CATIP: variants seen among roughly 807,000 people sequenced by gnomAD.
CATIP encodes ciliogenesis-associated TTC17-interacting protein.
In CATIP, 40 loss-of-function variants were observed where a neutral mutation model predicts 42.5. The observed-to-expected ratio is 0.94, with a 90% confidence interval of 0.73 to 1.22. The LOEUF is 1.22. Among genes scored for constraint, CATIP ranks in the 50% most tolerant of loss-of-function variants. The pLI, the probability that CATIP is intolerant of heterozygous loss-of-function variation, is 0.00. For missense variants in CATIP, 489 were observed against 496.0 expected, an observed-to-expected ratio of 0.99 and a Z score of 0.13; for synonymous variants, 222 against 200.2, an observed-to-expected ratio of 1.11 and a Z score of -0.92.
At chr2:218,366,694 G>A in intron 7 of CATIP, 1 of 348,642 alleles carries the variant, frequency 2.9e-6, no homozygotes, top group Non-Finnish European at 5.5e-6. Flanking sequence ...TTTGCTGGAA[G>A]GCAGGAAGTC....
chr2:218,357,399 C>G, intron 2 of CATIP, 135 bp from the exon 3 acceptor site: 1 of 789,718 alleles, frequency 1.3e-6, no homozygotes, highest in South Asian at 1.7e-5. Flanking sequence ...CTTCACCTGT[C>G]CGTGCCAGTG....
At position 218,364,566 on chromosome 2, in the gene CATIP, G is replaced by A. The variant is rs117624615; in HGVS notation, c.631-62G>A. On this transcript the variant is annotated intron_variant, in intron 6 of 9. Transcript: ENST00000289388. ...GATGGAGAAAAGGCTAAGGTAAGAT[G>A]ATGGGGAGCCCTTGGCGGGCATCCA... is the stretch of plus-strand genomic sequence containing the variant. The A allele has an allele frequency of 6.9e-6, 11 of 1,595,080 alleles. No individual in the cohort carries two copies. In the East Asian group the frequency reaches 2.0e-4, roughly 29 times the overall value.
intron 7 of CATIP, 95 bp downstream of exon 7, chr2:218,364,847 G>C: frequency 1.4e-6 from 2 of 1,390,064 alleles, no homozygotes; most frequent in Non-Finnish European, 2.0e-6. Flanking sequence ...GGAAGAACTG[G>C]CATTGAGATA....
chr2:218,364,452 G>A (rs1025949838), intron 6 of CATIP, among the ~76,000 whole-genome samples, 176 bp from the exon 7 acceptor site: 1 of 152,208 alleles, frequency 6.6e-6, no homozygotes, highest in South Asian at 2.1e-4. Context: ...TCAGGGCAAG[G>A]GCAACCTGGA....
intron 7 of CATIP, chr2:218,366,774 C>T (rs1486094710): frequency 6.4e-6 from 3 of 466,670 alleles, no homozygotes; most frequent in Admixed American, 3.4e-5. Flanking sequence ...CAAGTGCCTT[C>T]TCAATGTGTC....
intron 5 of CATIP, 97 bp from the exon 6 acceptor site, chr2:218,362,638 A>C: frequency 6.9e-6 from 9 of 1,300,418 alleles, no homozygotes; most frequent in Non-Finnish European, 9.6e-6. Context: ...TGTCTCAAAA[A>C]AAAACAAAAC....
chr2:218,362,762 C>A lies in CATIP; in HGVS notation c.490C>A (p.Pro164Thr), dbSNP rs1028839934. The part of the protein sequence containing the change: ...EEVKTGVTSF[P>T]WSSIKGFISE... ...AGTGAAGACTGGAGTGACTTCTTTCCCCTGGAGCTCAATCAAGGGCTTCAT... is the reference window on the plus strand; with the variant it reads ...AGTGAAGACTGGAGTGACTTCTTTCACCTGGAGCTCAATCAAGGGCTTCAT... Residue 164 changes from proline to threonine, a missense_variant, in exon 6 of 10, where the codon CCC becomes ACC. Pro to Thr is a conservative substitution (Grantham distance 38, BLOSUM62 -1). Coordinates refer to ENST00000289388, the MANE Select transcript of CATIP (RefSeq NM_198559.2). 9.9e-6 allele frequency: 16 copies of A among 1,614,012 alleles called. No individual in the cohort carries two copies. The Admixed American group carries it at 2.2e-4, about 22-fold the overall frequency.
Position 218,367,873 on chromosome 2 carries a change from GT to G in CATIP, c.1074del (p.Pro359ArgfsTer65). The G allele has an allele frequency of 6.2e-7, 1 of 1,612,950 alleles. No individual in the cohort carries two copies. The highest frequency in any genetic ancestry group is 8.5e-7 in the Non-Finnish European group (1 of 1,179,868). On this transcript the variant is annotated frameshift_variant, in exon 10 of 10. Transcript: ENST00000289388. LOFTEE classifies it low-confidence loss of function (END_TRUNC). ...TTCTTCGGCCCCTTCGACCCGTGGC[GT>G]CCGTCGTCACCGGCCTTGGGCTCCT... ...AEFFGPFDPW[R>X]PSSPALGSSH...
At chr2:218,363,504 A>C (rs550730014) in intron 6 of CATIP, among the ~76,000 whole-genome samples, 47 of 150,288 alleles carry the variant, frequency 3.1e-4, no homozygotes, top group African/African-American at 9.1e-4. Context: ...AAAACAAAAA[A>C]AAAAAAACGT....
chr2:218,364,502 T>G, intron 6 of CATIP, 126 bp from the exon 7 acceptor site: 1 of 1,375,810 alleles, frequency 7.3e-7, no homozygotes, highest in South Asian at 1.4e-5. Flanking sequence ...AGCTTGGAGG[T>G]TTGGAGATGC....
chr2:218,366,623 G>C (rs1478834773), intron 7 of CATIP: 1 of 297,672 alleles, frequency 3.4e-6, no homozygotes, highest in East Asian at 1.1e-4. Context: ...CTGTCATGTA[G>C]GAGTCTGCTT....
intron 7 of CATIP, 56 bp from the exon 8 acceptor site, chr2:218,366,968 T>A: frequency 7.5e-7 from 1 of 1,324,844 alleles, no homozygotes; most frequent in African/African-American, 1.4e-5. Flanking sequence ...GACAATTCAG[T>A]CCATAGCAGG....
chr2:218,367,499 C>G lies in CATIP; in HGVS notation c.902C>G (p.Ser301Trp). 6.2e-7 allele frequency: 1 copy of G among 1,614,150 alleles called. No homozygotes were observed. Among genetic ancestry groups the G allele is most frequent in the Non-Finnish European group, 8.5e-7 (1 of 1,180,010 alleles). Residue 301 changes from serine (S) to tryptophan (W), a missense_variant, in exon 9 of 10, where the codon TCG (serine) becomes TGG (tryptophan). Transcript: ENST00000289388. ...LVWEEDMELYSKFLDRKEELR... is the reference protein window; with the variant it reads ...LVWEEDMELYWKFLDRKEELR... ...TGGGAGGAGGATATGGAGCTCTATT[C>G]GAAGTTCCTGGACCGGAAGGTGAGG...
At chr2:218,367,267 G>A (rs952037221) in intron 8 of CATIP, 163 bp from the exon 9 acceptor site, 25 of 789,364 alleles carry the variant, frequency 3.2e-5, no homozygotes, top group Admixed American at 1.2e-4. Context: ...AGCAATAAGA[G>A]GAGGATCTTT....
chr2:218,366,947 G>A (rs974605359), intron 7 of CATIP, 77 bp from the exon 8 acceptor site: 14 of 1,107,656 alleles, frequency 1.3e-5, no homozygotes, highest in Admixed American at 5.4e-5. Flanking sequence ...CACCACACTG[G>A]GGGTTAGAGA....
chr2:218,367,683 G>A (rs1350410225), intron 9 of CATIP, 39 bp from the exon 10 acceptor site: 5 of 1,577,084 alleles, frequency 3.2e-6, no homozygotes, highest in Non-Finnish European at 3.4e-6. Flanking sequence ...GGGCGCGGGG[G>A]TCCCGTCCGG....
rs189817118 is a variant in CATIP, at chr2:218,360,385, C to T, written c.376-188C>T. On this transcript the variant is annotated intron_variant, in intron 4 of 9. Coordinates refer to ENST00000289388, the MANE Select transcript of CATIP (RefSeq NM_198559.2). ...CAGGGTGGTCTCAATCTCCTGACCT[C>T]GTGATCCGCCCACCTCGGCCTCCCA... 1.7e-4 allele frequency among the ~76,000 whole-genome samples: 26 copies of T among 151,002 alleles called. No individual in the cohort carries two copies. In the East Asian group the frequency reaches 4.9e-3, roughly 29 times the overall value.
At position 218,357,753 on chromosome 2, in the gene CATIP, G is replaced by T. The variant is rs757726894; in HGVS notation, c.319+19G>T. 6.2e-7 allele frequency: 1 copy of T among 1,604,974 alleles called. No individual in the cohort carries two copies. Among genetic ancestry groups the T allele is most frequent in the Admixed American group, 1.7e-5 (1 of 59,986 alleles). On this transcript the variant is annotated intron_variant, in intron 3 of 9. Transcript: ENST00000289388. The stretch of plus-strand genomic sequence containing the variant: ...CTCCTGGGTAGCGTTCCTACTGCCT[G>T]ATGCCCGTCACTCTCCCCTTCCTCC...
chr2:218,358,691 A>C (rs1695124387), intron 4 of CATIP, among the ~76,000 whole-genome samples: 1 of 151,880 alleles, frequency 6.6e-6, no homozygotes, highest in Non-Finnish European at 1.5e-5. Flanking sequence ...ACATGGCAAA[A>C]CCCACCAAAA....
Sources: allele counts gnomAD v4.1 joint callset (sites outside exome capture counted in the v4.1 genomes callset), GRCh38; gene constraint gnomAD v4.1.1; transcripts MANE v1.5; gene names NCBI Gene and HGNC (gene_info 2026-07-23, HGNC 2026-07-21).